NFIC: variants seen among roughly 807,000 people sequenced by gnomAD.
The protein encoded by NFIC is nuclear factor I C.
In NFIC, 12 loss-of-function variants were observed where a neutral mutation model predicts 54.4. The ratio of observed to expected loss-of-function variants is 0.22; its 90% CI spans 0.14 to 0.36. The LOEUF (loss-of-function observed/expected upper bound fraction) is 0.36. Ranked by LOEUF, NFIC falls within the 10% of genes least tolerant of loss-of-function variation. The pLI, the probability that NFIC is intolerant of heterozygous loss-of-function variation, is 1.00. For missense variants in NFIC, 575 were observed against 718.2 expected (o/e 0.80, Z 2.28); for synonymous variants, 322 against 319.2 (o/e 1.01, Z -0.09).
chr19:3,385,201 A>AC (rs397826497), intron 2 of NFIC, among the ~76,000 whole-genome samples: 8,755 of 102,704 alleles, frequency 0.085, 366 homozygotes, highest in African/African-American at 0.16. Context: ...AGCAGGGCAC[A>AC]CCCCCCCCCA....
intron 1 of NFIC, among the ~76,000 whole-genome samples, chr19:3,374,744 T>G (rs527822379): frequency 2.0e-5 from 3 of 152,290 alleles, no homozygotes; most frequent in Admixed American, 2.0e-4. Context: ...CGGTTGGGCC[T>G]CTGAGGGCAG....
rs371300703 is a variant in NFIC at position 3,459,152 on chromosome 19, G to A, written c.1509+2517G>A. Among the ~76,000 whole-genome samples the A allele has an allele frequency of 9.9e-5, 15 of 152,144 alleles. 1 individual carries two copies. The highest frequency in any genetic ancestry group is 3.1e-4 in the African/African-American group (13 of 41,520). On this transcript the variant is annotated intron_variant, in intron 10 of 10. Coordinates refer to ENST00000443272, the MANE Select transcript of NFIC (RefSeq NM_001245002.2). This position sits in a 1 kb window ranked among gnomAD's most constrained non-coding sequence, Gnocchi z 4.2. Reference sequence around the variant, plus strand: ...TGCCTCCGCCTCCTCTATTCCTGGCGGATTCGCTTCCCTCTGCCCCCTCCT... The same window carrying A: ...TGCCTCCGCCTCCTCTATTCCTGGCAGATTCGCTTCCCTCTGCCCCCTCCT...
chr19:3,403,914 C>T (rs993836656), intron 2 of NFIC, among the ~76,000 whole-genome samples: 9 of 152,016 alleles, frequency 5.9e-5, no homozygotes, highest in African/African-American at 1.4e-4. Flanking sequence ...CTGCCTGCTT[C>T]GTGTGGCCAC....
chr19:3,453,987 A>G lies in NFIC; in HGVS notation c.1423+71A>G. On this transcript the variant is annotated intron_variant, in intron 9 of 10. Coordinates refer to ENST00000443272, the MANE Select transcript of NFIC (RefSeq NM_001245002.2). This position sits in a 1 kb window ranked among gnomAD's most constrained non-coding sequence, Gnocchi z 6.7. The stretch of plus-strand genomic sequence containing the variant: ...GGGGGCCTGTCCCCTCCCCAGCCCC[A>G]CTGCCAGGTCAGAGGTCAGGCCCGA... 1.5e-5 allele frequency: 22 copies of G among 1,427,950 alleles called. No individual in the cohort carries two copies. The highest frequency in any genetic ancestry group is 1.7e-5 in the Non-Finnish European group (19 of 1,099,130). The allele number at this position is 1,427,950 out of a possible 1,614,324, so 88.5% of individuals were successfully genotyped here. A position where few individuals can be genotyped will look rare whatever the true frequency, so the allele number is the denominator to read the frequency against.
At chr19:3,447,824 G>C (rs1174816440) in intron 6 of NFIC, among the ~76,000 whole-genome samples, 3 of 152,242 alleles carry the variant, frequency 2.0e-5, no homozygotes, top group African/African-American at 7.2e-5. Flanking sequence ...TCCAGGGGGT[G>C]CCTGGAGGGG....
upstream of NFIC, among the ~76,000 whole-genome samples, chr19:3,361,628 C>T (rs937704681): frequency 8.6e-5 from 13 of 151,956 alleles, no homozygotes; most frequent in African/African-American, 2.9e-4. Context: ...GGAGAGAAAA[C>T]CCTCCCACAA....
At chr19:3,421,557 AG>A (rs2081954268) in intron 2 of NFIC, among the ~76,000 whole-genome samples, 1 of 152,194 alleles carries the variant, frequency 6.6e-6, no homozygotes, top group Admixed American at 6.5e-5. Context: ...GCCTAGCTGG[AG>A]GAAGGGCTTC....
Position 3,464,625 on chromosome 19 carries a change from C to T in NFIC, c.*1856C>T. On this transcript the variant is annotated 3_prime_UTR_variant, in exon 11 of 11. Coordinates refer to ENST00000443272, the MANE Select transcript of NFIC (RefSeq NM_001245002.2). Reference sequence around the variant, plus strand: ...CCAGGCCAAAGCCAGGGCAGGTCTCCGGGTCTCACCTGCTCCTAGCCTCAC... The same window carrying T: ...CCAGGCCAAAGCCAGGGCAGGTCTCTGGGTCTCACCTGCTCCTAGCCTCAC... The T allele has an allele frequency of 1.0e-6, 1 of 977,182 alleles. No homozygotes were observed. The allele number at this position is 977,182 out of a possible 1,614,324, so 60.5% of individuals were successfully genotyped here. A position where few individuals can be genotyped will look rare whatever the true frequency, so the allele number is the denominator to read the frequency against.
intron 2 of NFIC, among the ~76,000 whole-genome samples, chr19:3,404,983 G>A (rs986752545): frequency 5.3e-5 from 8 of 152,206 alleles, no homozygotes; most frequent in Non-Finnish European, 1.2e-4. Context: ...ACGGTTCCGG[G>A]GCGGTGGTGG....
rs911143732 is a variant in NFIC at position 3,453,284 on chromosome 19, T to G, written c.1270-479T>G. Among the ~76,000 whole-genome samples, 6 of 152,012 alleles carry G rather than the reference T, an allele frequency of 3.9e-5. No individual in the cohort carries two copies. The South Asian group carries it at 1.2e-3, about 32-fold the overall frequency. ...GGGGCGGGGGGCAGGAAGACATTGA[T>G]TACAAAAAAACCACCAAACTCAGTT... On this transcript the variant is annotated intron_variant, in intron 8 of 10. Coordinates refer to ENST00000443272, the MANE Select transcript of NFIC (RefSeq NM_001245002.2). The surrounding 1 kb of genome is among the most constrained non-coding windows in gnomAD (Gnocchi z 6.7).
rs187885364 is a variant in NFIC, at chr19:3,389,058, T to C, written c.562+6815T>C. 2.7e-4 allele frequency among the ~76,000 whole-genome samples: 41 copies of C among 152,096 alleles called. No individual in the cohort carries two copies. In the East Asian group the frequency reaches 6.4e-3, roughly 24 times the overall value. Reference sequence around the variant, plus strand: ...CTTAAACCTCTTTTCAAAAACAAACTAAAAGTGCCCTTTGAGGTTATCTAG... The same window carrying C: ...CTTAAACCTCTTTTCAAAAACAAACCAAAAGTGCCCTTTGAGGTTATCTAG... On this transcript the variant is annotated intron_variant, in intron 2 of 10. Coordinates refer to ENST00000443272, the MANE Select transcript of NFIC (RefSeq NM_001245002.2).
At chr19:3,362,249 T>A (rs1177701793), upstream of NFIC, among the ~76,000 whole-genome samples, 1 of 151,884 alleles carries the variant, frequency 6.6e-6, no homozygotes, top group Non-Finnish European at 1.5e-5. Flanking sequence ...GTGTGTGCTT[T>A]TGTGTGGAGT....
chr19:3,384,847 A>C (rs1372941339), intron 2 of NFIC, among the ~76,000 whole-genome samples: 1 of 151,986 alleles, frequency 6.6e-6, no homozygotes, highest in East Asian at 1.9e-4. Flanking sequence ...TGTTGGGAGC[A>C]GGGGCCACCG....
chr19:3,434,448 C>A, intron 5 of NFIC, 48 bp downstream of exon 5: 1 of 1,547,940 alleles, frequency 6.5e-7, no homozygotes, highest in South Asian at 1.2e-5. Flanking sequence ...CCCCATTCAT[C>A]AACCCATCCC....
intron 6 of NFIC, among the ~76,000 whole-genome samples, chr19:3,446,389 G>A (rs953862712): frequency 1.3e-5 from 2 of 151,996 alleles, no homozygotes; most frequent in African/African-American, 4.8e-5. Flanking sequence ...GTTACAACCG[G>A]GGGTGCTCCT....
intron 2 of NFIC, among the ~76,000 whole-genome samples, chr19:3,419,798 CA>C (rs34788531): frequency 0.54 from 74,929 of 139,016 alleles, 20,510 homozygotes; most frequent in Middle Eastern, 0.66. Flanking sequence ...TACTCTGTTC[CA>C]AAAAAAAAAA....
In NFIC at chr19:3,433,525, C is replaced by T. The variant is rs745869936; in HGVS notation, c.642C>T (p.Thr214=). The change falls in exon 4 of 11, where the codon ACC becomes ACT. Residue 214 remains threonine (T), a synonymous_variant. Transcript: ENST00000443272. ...GCTGTCTTCCTGTTCCAGACACGAC[C>T]GACTTCCAGGAGAGCTTTGTCACCT... is the stretch of plus-strand genomic sequence containing the variant. The part of the protein sequence containing the change: ...EDSKPITLDT[T]DFQESFVTSG... The T allele has an allele frequency of 3.1e-6, 5 of 1,613,734 alleles. No individual in the cohort carries two copies. The highest frequency in any genetic ancestry group is 1.1e-5 in the South Asian group (1 of 91,082).
chr19:3,431,754 T>A (rs1053501455), intron 3 of NFIC, among the ~76,000 whole-genome samples: 1 of 152,246 alleles, frequency 6.6e-6, no homozygotes, highest in African/African-American at 2.4e-5. Context: ...TCCACCCACC[T>A]CAGCTTCCCA....
chr19:3,388,659 C>CG (rs1033703779), intron 2 of NFIC, among the ~76,000 whole-genome samples: 2 of 144,380 alleles, frequency 1.4e-5, no homozygotes, highest in Non-Finnish European at 2.9e-5. Flanking sequence ...CATGCCCCCC[C>CG]CCAACAAAAT....
Sources: gnomAD v4.1 joint callset for allele counts (sites outside exome capture counted in the v4.1 genomes callset) on GRCh38, gnomAD v4.1.1 for gene constraint, Gnocchi (gnomAD v3.1) non-coding constraint, MANE v1.5 for transcripts, NCBI Gene and HGNC (gene_info 2026-07-23, HGNC 2026-07-21) for gene names.